The following PSMD1 variants were observed in gnomAD, a reference collection of about 807,000 sequenced individuals.
The protein encoded by PSMD1 is 26S proteasome non-ATPase regulatory subunit 1.
A neutral mutation model predicts 119.0 loss-of-function variants in PSMD1; 18 were observed. That is an observed-to-expected ratio of 0.15 (90% CI 0.10 to 0.22). The LOEUF (loss-of-function observed/expected upper bound fraction) is 0.22. PSMD1 is among the 10% of genes least tolerant of loss of function. PSMD1 has a pLI of 1.00. For synonymous variants in PSMD1, 374 were observed against 396.6 expected (o/e 0.94, Z 0.68); for missense variants, 702 against 1,158.5 (o/e 0.61, Z 5.72).
chr2:231,058,896 A>G (rs1024447934), intron 1 of PSMD1, among the ~76,000 whole-genome samples: 7 of 148,014 alleles, frequency 4.7e-5, no homozygotes, highest in Non-Finnish European at 9.0e-5. Context: ...AAACACGCTT[A>G]CTCTCCCTCC....
chr2:231,065,277 TTTTTTTTGTTTTTTTG>T (rs796689366), intron 4 of PSMD1, among the ~76,000 whole-genome samples: 3 of 149,230 alleles, frequency 2.0e-5, no homozygotes, highest in African/African-American at 5.0e-5. Context: ...TGTTTTTTTG[TTTTTTTTGTTTTTTTG>T]TTTTTTTGTT....
In PSMD1 at chr2:231,085,077, G is replaced by A. The variant is rs768136740; in HGVS notation, c.1781G>A (p.Gly594Asp). The A allele has an allele frequency of 1.2e-6, 2 of 1,614,058 alleles. No homozygotes were observed. Among genetic ancestry groups the A allele is most frequent in the Non-Finnish European group, 8.5e-7 (1 of 1,179,932 alleles). Residue 594 changes from glycine (G) to aspartate (D), a missense_variant, in exon 15 of 25, where the codon GGT becomes GAT. Coordinates refer to ENST00000308696, the MANE Select transcript of PSMD1 (RefSeq NM_002807.4). ...GTAGCCATGGCTTATTGTGGCTCTG[G>A]TAACAACAAAGCAATTCGACGCCTG... is the stretch of plus-strand genomic sequence containing the variant. ...YTVAMAYCGSGNNKAIRRLLH... is the reference protein window; with the variant it reads ...YTVAMAYCGSDNNKAIRRLLH...
rs965007522 is a variant in PSMD1 at position 231,071,732 on chromosome 2, C to T, written c.655-457C>T. The stretch of plus-strand genomic sequence containing the variant: ...TAATTTTGTTAAAACAATGGCAGAT[C>T]ATAAGAGTAGTAAGAGAAATGCTTC... On this transcript the variant is annotated intron_variant, in intron 6 of 24. Coordinates refer to ENST00000308696, the MANE Select transcript of PSMD1 (RefSeq NM_002807.4). 3.1e-4 allele frequency among the ~76,000 whole-genome samples: 47 copies of T among 152,156 alleles called. 1 individual carries two copies. Among genetic ancestry groups the T allele is most frequent in the Admixed American group, 1.4e-3 (22 of 15,284 alleles).
At chr2:231,108,994 T>G in intron 16 of PSMD1, 1 of 1,614,204 alleles carries the variant, frequency 6.2e-7, no homozygotes, top group Non-Finnish European at 8.5e-7. Flanking sequence ...CTAGGACCTT[T>G]GAGGCTCTCT....
intron 11 of PSMD1, 42 bp downstream of exon 11, chr2:231,079,656 G>A: frequency 7.7e-7 from 1 of 1,296,970 alleles, no homozygotes; most frequent in Non-Finnish European, 1.1e-6. Flanking sequence ...CAGAAAAGAA[G>A]TAATTTTTCT....
At chr2:231,072,108 A>T (rs572080633) in intron 6 of PSMD1, 81 bp from the exon 7 acceptor site, 36 of 1,191,028 alleles carry the variant, frequency 3.0e-5, no homozygotes, top group Non-Finnish European at 3.5e-5. Context: ...AAGGTTTTCT[A>T]TAATGTTGAT....
At chr2:231,162,538 A>T (rs1248568619) in intron 20 of PSMD1, among the ~76,000 whole-genome samples, 1 of 152,194 alleles carries the variant, frequency 6.6e-6, no homozygotes, top group African/African-American at 2.4e-5. Flanking sequence ...AACCTATTTT[A>T]TTCTCTGCCA....
In PSMD1 at chr2:231,101,597, G is replaced by A. The variant is rs1694868097; in HGVS notation, c.1883+14416G>A. The stretch of plus-strand genomic sequence containing the variant: ...GTTGTGGGTAGAATAGCATCAAACA[G>A]CATCTTATGCTACAGAGAAATCTTT... On this transcript the variant is annotated intron_variant, in intron 16 of 24. Transcript: ENST00000308696. Among the ~76,000 whole-genome samples, 3 of 152,172 alleles carry A rather than the reference G, an allele frequency of 2.0e-5. No homozygotes were observed. The South Asian group carries it at 6.2e-4, about 31-fold the overall frequency.
intron 16 of PSMD1, among the ~76,000 whole-genome samples, chr2:231,129,947 G>A (rs965821457): frequency 2.6e-5 from 4 of 152,044 alleles, no homozygotes; most frequent in African/African-American, 7.2e-5. Context: ...TCTGTCTCCC[G>A]GGTTTAAACA....
chr2:231,142,628 CT>C (rs920692128), intron 17 of PSMD1, among the ~76,000 whole-genome samples: 3 of 151,498 alleles, frequency 2.0e-5, no homozygotes, highest in Admixed American at 6.6e-5. Flanking sequence ...TAGTTTGGGA[CT>C]TTTTTTTAAT....
At chr2:231,076,285 C>A (rs2125166135) in intron 8 of PSMD1, among the ~76,000 whole-genome samples, 1 of 152,290 alleles carries the variant, frequency 6.6e-6, no homozygotes, top group Non-Finnish European at 1.5e-5. Context: ...CAACAGTGGT[C>A]TGTTGGACTT....
Position 231,080,146 on chromosome 2 carries a change from T to C in PSMD1, c.1245T>C (p.His415=), listed in dbSNP as rs1347115759. The change falls in exon 12 of 25, where the codon CAT becomes CAC. Residue 415 remains histidine, a synonymous_variant. Transcript: ENST00000308696. ...TASLGVIHKG[H]EKEALQLMAT... ...GTTATGACTTACCTTTACAGGGTCA[T>C]GAAAAAGAAGCATTACAGTTAATGG... 3.1e-6 allele frequency: 5 copies of C among 1,607,002 alleles called. No individual in the cohort carries two copies. Among genetic ancestry groups the C allele is most frequent in the Non-Finnish European group, 4.2e-6 (5 of 1,177,468 alleles).
chr2:231,171,910 G>T (rs1696922249), intron 24 of PSMD1, among the ~76,000 whole-genome samples: 1 of 152,022 alleles, frequency 6.6e-6, no homozygotes, highest in Non-Finnish European at 1.5e-5. Context: ...TATATTTAAA[G>T]GTCTGGTTGC....
chr2:231,123,014 G>A lies in PSMD1; in HGVS notation c.1884-15722G>A, dbSNP rs76586701. Reference sequence around the variant, plus strand: ...GATTTAGTAATTCAAAGACCTTATCGTTAACCCAGCGCATATCTGTCCCGG... The same window carrying A: ...GATTTAGTAATTCAAAGACCTTATCATTAACCCAGCGCATATCTGTCCCGG... On this transcript the variant is annotated intron_variant, in intron 16 of 24. Transcript: ENST00000308696. Among the ~76,000 whole-genome samples the A allele has an allele frequency of 7.3e-3, 1,115 of 152,170 alleles. 15 individuals are homozygous for A. The highest frequency in any genetic ancestry group is 0.024 in the African/African-American group (982 of 41,508).
At chr2:231,158,723 C>G (rs1006224232) in intron 19 of PSMD1, among the ~76,000 whole-genome samples, 2 of 152,138 alleles carry the variant, frequency 1.3e-5, no homozygotes, top group Non-Finnish European at 2.9e-5. Flanking sequence ...TTATAGCTAT[C>G]ATAATACTTT....
chr2:231,091,104 AAG>A, intron 16 of PSMD1, among the ~76,000 whole-genome samples: 1 of 152,304 alleles, frequency 6.6e-6, no homozygotes, highest in East Asian at 1.9e-4. Flanking sequence ...ACTAGGGCCG[AAG>A]AGAGTTAGCC....
intron 16 of PSMD1, among the ~76,000 whole-genome samples, chr2:231,114,803 A>G (rs947227610): frequency 2.6e-5 from 4 of 152,210 alleles, no homozygotes; most frequent in African/African-American, 9.6e-5. Context: ...ATGTTCATAC[A>G]TATGTGAATT....
At chr2:231,131,468 G>GT (rs1695851325) in intron 16 of PSMD1, among the ~76,000 whole-genome samples, 1 of 134,076 alleles carries the variant, frequency 7.5e-6, no homozygotes. Flanking sequence ...TGCTTAGAAA[G>GT]TTTTTTTGCC....
rs775249717 is a variant in PSMD1, at chr2:231,083,515, A to G, written c.1526-52A>G. 21 of 1,573,124 alleles carry G rather than the reference A, an allele frequency of 1.3e-5. 1 individual carries two copies. The highest frequency in any genetic ancestry group is 1.7e-5 in the Non-Finnish European group (20 of 1,143,728). On this transcript the variant is annotated intron_variant, in intron 13 of 24. Coordinates refer to ENST00000308696, the MANE Select transcript of PSMD1 (RefSeq NM_002807.4). ...AGTGCTACTTTCAGTTGGATGTTTT[A>G]CTGACTTTAAAAACATAACTCTCTG...
Sources: allele counts gnomAD v4.1 joint callset (sites outside exome capture counted in the v4.1 genomes callset), GRCh38; gene constraint gnomAD v4.1.1; transcripts MANE v1.5; gene names NCBI Gene and HGNC (gene_info 2026-07-23, HGNC 2026-07-21).